Variants in KIFAP3 observed in about 807,000 individuals in gnomAD.
The protein encoded by KIFAP3 is kinesin-associated protein 3.
KIFAP3 carries 68 observed loss-of-function variants against 106.5 expected under a neutral mutation model. That is an observed-to-expected ratio of 0.64 (90% confidence interval 0.53 to 0.78). KIFAP3 has a LOEUF of 0.78. Ranked by LOEUF, KIFAP3 falls within the 30% of genes least tolerant of loss-of-function variation. KIFAP3 has a pLI of 0.00. For synonymous variants in KIFAP3, 320 were observed against 311.5 expected (o/e 1.03, Z -0.29); for missense variants, 780 against 941.8 (o/e 0.83, Z 2.25).
intron 3 of KIFAP3, chr1:170,041,939 A>G (rs1428515834): frequency 1.1e-5 from 13 of 1,132,698 alleles, no homozygotes; most frequent in Non-Finnish European, 1.5e-5. Context: ...CGTTTCAGTT[A>G]TGAAACCTGG....
At chr1:170,003,457 C>T (rs1029194505) in intron 10 of KIFAP3, among the ~76,000 whole-genome samples, 5 of 152,192 alleles carry the variant, frequency 3.3e-5, no homozygotes, top group African/African-American at 1.2e-4. Context: ...GGGGTGCCTC[C>T]CAGTTAGGCT....
chr1:169,979,704 A>G (rs529794184), intron 15 of KIFAP3, among the ~76,000 whole-genome samples: 1 of 152,304 alleles, frequency 6.6e-6, no homozygotes, highest in East Asian at 1.9e-4. Flanking sequence ...GCAGAACTAC[A>G]GATTGGCATA....
At chr1:170,043,517 A>T (rs1369337463) in intron 3 of KIFAP3, among the ~76,000 whole-genome samples, 1 of 152,166 alleles carries the variant, frequency 6.6e-6, no homozygotes, top group Non-Finnish European at 1.5e-5. Context: ...TTATGATGAC[A>T]GGGATATTCA....
rs113083014 is a variant in KIFAP3 at position 170,005,869 on chromosome 1, TA to T, written c.1183+10592del. ...ACTTAAAGTACAATAATAATAAAATTAAAAAAAAAACCCTGTATACCCAGGT... is the reference window on the plus strand; with the variant it reads ...ACTTAAAGTACAATAATAATAAAATTAAAAAAAAACCCTGTATACCCAGGT... On this transcript the variant is annotated intron_variant, in intron 10 of 19. Coordinates refer to ENST00000361580, the MANE Select transcript of KIFAP3 (RefSeq NM_014970.4). 3.9e-4 allele frequency among the ~76,000 whole-genome samples: 58 copies of T among 148,406 alleles called. No individual in the cohort carries two copies. In the Middle Eastern group the frequency reaches 0.01, roughly 26 times the overall value.
intron 19 of KIFAP3, among the ~76,000 whole-genome samples, chr1:169,950,507 A>G (rs1664673597): frequency 1.3e-5 from 2 of 152,218 alleles, no homozygotes; most frequent in Admixed American, 6.5e-5. Flanking sequence ...TAAAGGAAAA[A>G]CACCCAACAA....
intron 19 of KIFAP3, among the ~76,000 whole-genome samples, chr1:169,940,252 T>G (rs1369024672): frequency 6.6e-6 from 1 of 152,222 alleles, no homozygotes; most frequent in Non-Finnish European, 1.5e-5. Context: ...TTAATAATAG[T>G]GTCTCCCTTC....
At chr1:169,987,519 C>A (rs115099320) in intron 11 of KIFAP3, among the ~76,000 whole-genome samples, 1 of 152,040 alleles carries the variant, frequency 6.6e-6, no homozygotes, top group East Asian at 1.9e-4. Flanking sequence ...TGCATGCCTC[C>A]GGAATCTCTT....
chr1:169,979,388 G>C (rs1666389736), intron 15 of KIFAP3, among the ~76,000 whole-genome samples: 1 of 151,758 alleles, frequency 6.6e-6, no homozygotes, highest in Non-Finnish European at 1.5e-5. Context: ...TTCAAATATG[G>C]GGCATTATCT....
chr1:170,058,723 G>A (rs759172975), intron 1 of KIFAP3, among the ~76,000 whole-genome samples: 1 of 151,900 alleles, frequency 6.6e-6, no homozygotes, highest in African/African-American at 2.4e-5. Context: ...TAAATCAGAT[G>A]GGCTGAGGCG....
At chr1:169,947,888 A>C (rs1427442918) in intron 19 of KIFAP3, among the ~76,000 whole-genome samples, 1 of 151,516 alleles carries the variant, frequency 6.6e-6, no homozygotes, top group African/African-American at 2.4e-5. Context: ...TTCATTAGTA[A>C]ATGTATCTAT....
intron 17 of KIFAP3, among the ~76,000 whole-genome samples, chr1:169,967,051 G>T (rs1421707957): frequency 2.6e-5 from 4 of 151,686 alleles, no homozygotes; most frequent in Non-Finnish European, 1.5e-5. Flanking sequence ...TTTAGCTTAT[G>T]GTTGTTGAGA....
intron 19 of KIFAP3, among the ~76,000 whole-genome samples, chr1:169,947,760 C>G (rs1026125300): frequency 6.6e-6 from 1 of 151,362 alleles, no homozygotes; most frequent in African/African-American, 2.4e-5. Flanking sequence ...TTTATGCTAT[C>G]AAAACATCAT....
At chr1:169,966,481 A>C (rs1178892326) in intron 17 of KIFAP3, among the ~76,000 whole-genome samples, 2 of 149,218 alleles carry the variant, frequency 1.3e-5, no homozygotes, top group Non-Finnish European at 3.0e-5. Flanking sequence ...AAAAAAAAAA[A>C]AAACCTTGGC....
chr1:169,967,555 G>C (rs914546158), intron 17 of KIFAP3, among the ~76,000 whole-genome samples: 11 of 151,898 alleles, frequency 7.2e-5, no homozygotes, highest in Non-Finnish European at 1.6e-4. Flanking sequence ...TCTGGTTCTA[G>C]CTCTGCTACT....
intron 10 of KIFAP3, among the ~76,000 whole-genome samples, chr1:170,010,694 T>C (rs1668200615): frequency 6.6e-6 from 1 of 152,052 alleles, no homozygotes; most frequent in Non-Finnish European, 1.5e-5. Flanking sequence ...TAACTGTTCA[T>C]ATTGCATAGA....
upstream of KIFAP3, chr1:170,074,705 C>T (rs1488902395): frequency 7.1e-7 from 1 of 1,400,548 alleles, no homozygotes; most frequent in African/African-American, 1.4e-5. Context: ...TAAGCCGGGC[C>T]GTCACGACGC....
At chr1:169,991,518 T>C (rs1238806561) in intron 11 of KIFAP3, among the ~76,000 whole-genome samples, 1 of 152,070 alleles carries the variant, frequency 6.6e-6, no homozygotes, top group Non-Finnish European at 1.5e-5. Flanking sequence ...TAATATCCAG[T>C]GTTGCTAAAA....
intron 3 of KIFAP3, among the ~76,000 whole-genome samples, chr1:170,043,375 C>A (rs1208214409): frequency 6.6e-6 from 1 of 152,134 alleles, no homozygotes; most frequent in Non-Finnish European, 1.5e-5. Context: ...GCCTAATGAA[C>A]TGGATAAAAG....
rs1474487491 is a variant in KIFAP3, at chr1:170,039,275, T to C, written c.333A>G (p.Lys111=). 6.3e-7 allele frequency: 1 copy of C among 1,595,920 alleles called. No individual in the cohort carries two copies. Among genetic ancestry groups the C allele is most frequent in the Non-Finnish European group, 8.6e-7 (1 of 1,168,650 alleles). The change falls in exon 4 of 20, where the codon AAA becomes AAG. Residue 111 remains lysine, a synonymous_variant. Coordinates refer to ENST00000361580, the MANE Select transcript of KIFAP3 (RefSeq NM_014970.4). ...GAGGTGGATCTTTAGGCTTGCTTGA[T>C]TTTTCTTTTTTCTCTGTAAAAAGAT... ...DSLSGKEKKE[K]SSKPKDPPPF... is the part of the protein sequence containing the mutation.
Sources: gnomAD v4.1 joint callset for allele counts (sites outside exome capture counted in the v4.1 genomes callset) on GRCh38, gnomAD v4.1.1 for gene constraint, MANE v1.5 for transcripts, NCBI Gene and HGNC (gene_info 2026-07-23, HGNC 2026-07-21) for gene names.